CARMIL1: variants seen among roughly 807,000 people sequenced by gnomAD.
The protein encoded by CARMIL1 is F-actin-uncapping protein LRRC16A.
In CARMIL1, 90 loss-of-function variants were observed where a neutral mutation model predicts 177.1. That is an observed-to-expected ratio of 0.51 (90% CI 0.43 to 0.61). The LOEUF is 0.61. Among genes scored for constraint, CARMIL1 ranks in the 20% least tolerant of loss-of-function variants. The pLI, the probability that CARMIL1 is intolerant of heterozygous loss-of-function variation, is 0.00. For synonymous variants in CARMIL1, 577 were observed against 606.2 expected, an observed-to-expected ratio of 0.95 and a Z score of 0.71; for missense variants, 1,380 against 1,667.0, an observed-to-expected ratio of 0.83 and a Z score of 3.00.
At chr6:25,292,635 T>C (rs961917860) in intron 2 of CARMIL1, among the ~76,000 whole-genome samples, 1 of 152,194 alleles carries the variant, frequency 6.6e-6, no homozygotes, top group African/African-American at 2.4e-5. Flanking sequence ...CAGTTTCTTC[T>C]GTAGTTAGGA....
chr6:25,430,949 A>C (rs1796714289), intron 4 of CARMIL1, among the ~76,000 whole-genome samples: 1 of 152,204 alleles, frequency 6.6e-6, no homozygotes, highest in South Asian at 2.1e-4. Context: ...TAATTTGGTT[A>C]TCTCTCTCTT....
At chr6:25,324,894 A>G (rs918601122) in intron 2 of CARMIL1, among the ~76,000 whole-genome samples, 1 of 152,044 alleles carries the variant, frequency 6.6e-6, no homozygotes, top group Non-Finnish European at 1.5e-5. Flanking sequence ...GGGTCAAGGA[A>G]GTGAACCCTA....
At position 25,470,202 on chromosome 6, in the gene CARMIL1, TAGGA is replaced by T. The variant is rs571186710; in HGVS notation, c.691-965_691-962del. On this transcript the variant is annotated intron_variant, in intron 9 of 36. Coordinates refer to ENST00000329474, the MANE Select transcript of CARMIL1 (RefSeq NM_017640.6). ...CCACTTTATCCTATTTATGCTCCAG[TAGGA>T]ACATCCTAATACCAGTTAGTGTTCA... is the stretch of plus-strand genomic sequence containing the variant. Among the ~76,000 whole-genome samples the T allele has an allele frequency of 2.1e-3, 315 of 152,340 alleles. 1 individual carries two copies. The highest frequency in any genetic ancestry group is 6.7e-3 in the African/African-American group (278 of 41,586).
intron 2 of CARMIL1, among the ~76,000 whole-genome samples, chr6:25,408,173 A>C (rs1316436537): frequency 1.3e-5 from 2 of 151,644 alleles, no homozygotes; most frequent in African/African-American, 4.8e-5. Context: ...TGCCTGTAGT[A>C]GCTACTTGAA....
chr6:25,390,966 T>C (rs993128758), intron 2 of CARMIL1, among the ~76,000 whole-genome samples: 1 of 152,246 alleles, frequency 6.6e-6, no homozygotes, highest in Non-Finnish European at 1.5e-5. Flanking sequence ...CCTCCCAAAG[T>C]GCTGGAATTA....
chr6:25,541,427 T>C (rs1247674221), intron 26 of CARMIL1, among the ~76,000 whole-genome samples: 3 of 152,238 alleles, frequency 2.0e-5, no homozygotes, highest in African/African-American at 7.2e-5. Context: ...TGCATAGATG[T>C]ACCAGCATAA....
chr6:25,479,216 A>T (rs1801866330), intron 11 of CARMIL1: 1 of 518,876 alleles, frequency 1.9e-6, no homozygotes, highest in African/African-American at 1.9e-5. Context: ...GGAAAAGATA[A>T]CTACTATTCT....
chr6:25,284,223 G>C (rs1488570754), intron 1 of CARMIL1, among the ~76,000 whole-genome samples: 5 of 152,118 alleles, frequency 3.3e-5, no homozygotes, highest in Non-Finnish European at 5.9e-5. Flanking sequence ...CAACTTCACT[G>C]TTTGCTGTTC....
At chr6:25,406,577 A>G (rs1401737932) in intron 2 of CARMIL1, among the ~76,000 whole-genome samples, 1 of 152,198 alleles carries the variant, frequency 6.6e-6, no homozygotes, top group Non-Finnish European at 1.5e-5. Flanking sequence ...ATAGTATCAT[A>G]GTAGTAGAGA....
rs1034289179 is a variant in CARMIL1, at chr6:25,279,662, G to GC, written c.-127dup. On this transcript the variant is annotated 5_prime_UTR_variant, in exon 1 of 37. Coordinates refer to ENST00000329474, the MANE Select transcript of CARMIL1 (RefSeq NM_017640.6). ...GGGCGCGCGGCAAAATTCTGTCTCC[G>GC]CCCCCCCTTTTCTTGCCCACTTCCA... 15 of 726,002 alleles carry GC rather than the reference G, an allele frequency of 2.1e-5. No homozygotes were observed. Among genetic ancestry groups the GC allele is most frequent in the Admixed American group, 6.1e-5 (3 of 49,390 alleles). 45.0% of individuals were successfully genotyped at this position (726,002 alleles called of 1,614,324 possible). A position where few individuals can be genotyped will look rare whatever the true frequency, so the allele number is the denominator to read the frequency against.
intron 2 of CARMIL1, among the ~76,000 whole-genome samples, chr6:25,291,976 A>G (rs1268531196): frequency 6.6e-6 from 1 of 152,236 alleles, no homozygotes; most frequent in Non-Finnish European, 1.5e-5. Context: ...CTGGCAGCAC[A>G]GTGTACCTCG....
intron 32 of CARMIL1, among the ~76,000 whole-genome samples, chr6:25,595,747 G>A (rs1047162833): frequency 6.6e-6 from 1 of 152,192 alleles, no homozygotes; most frequent in Non-Finnish European, 1.5e-5. Flanking sequence ...ATAGGTGAAT[G>A]TGTTTTCAAT....
intron 29 of CARMIL1, among the ~76,000 whole-genome samples, chr6:25,560,271 T>A (rs934060272): frequency 6.6e-6 from 1 of 152,162 alleles, no homozygotes; most frequent in Admixed American, 6.5e-5. Flanking sequence ...AGATAAATGA[T>A]CTTTTTCTTT....
rs548276014 is a variant in CARMIL1 at position 25,483,918 on chromosome 6, C to T, written c.961+1575C>T. Among the ~76,000 whole-genome samples, 38 of 152,078 alleles carry T rather than the reference C, an allele frequency of 2.5e-4. 1 individual carries two copies. Among genetic ancestry groups the T allele is most frequent in the Admixed American group, 5.2e-4 (8 of 15,262 alleles). ...AAGTAGCTGGGACCACAAGCGTGCA[C>T]TACCACACCCTGCTAATTTTTTTGT... On this transcript the variant is annotated intron_variant, in intron 12 of 36. Transcript: ENST00000329474.
intron 1 of CARMIL1, among the ~76,000 whole-genome samples, chr6:25,280,223 C>T (rs1780964313): frequency 6.7e-6 from 1 of 150,318 alleles, no homozygotes; most frequent in Non-Finnish European, 1.5e-5. Flanking sequence ...CTGCCCCAAA[C>T]TCGGGAAAGT....
At chr6:25,351,297 A>G (rs926352932) in intron 2 of CARMIL1, among the ~76,000 whole-genome samples, 1 of 152,232 alleles carries the variant, frequency 6.6e-6, no homozygotes, top group African/African-American at 2.4e-5. Context: ...TGGATATATG[A>G]GGTTAAATAA....
chr6:25,434,039 G>A, intron 4 of CARMIL1, among the ~76,000 whole-genome samples: 1 of 152,152 alleles, frequency 6.6e-6, no homozygotes, highest in East Asian at 1.9e-4. Context: ...TTGAAGAAGT[G>A]ATAATCTAAG....
At chr6:25,342,879 C>T (rs1222190615) in intron 2 of CARMIL1, among the ~76,000 whole-genome samples, 1 of 152,222 alleles carries the variant, frequency 6.6e-6, no homozygotes, top group East Asian at 1.9e-4. Context: ...CCTCCTCCAG[C>T]TGCACACGTA....
At chr6:25,358,502 A>G (rs1156549373) in intron 2 of CARMIL1, among the ~76,000 whole-genome samples, 1 of 152,204 alleles carries the variant, frequency 6.6e-6, no homozygotes, top group Non-Finnish European at 1.5e-5. Context: ...AAAACATGCT[A>G]TAGATAAAGA....
Sources: allele counts gnomAD v4.1 joint callset (sites outside exome capture counted in the v4.1 genomes callset), GRCh38; gene constraint gnomAD v4.1.1; transcripts MANE v1.5; gene names NCBI Gene and HGNC (gene_info 2026-07-23, HGNC 2026-07-21).